The following STAC2 variants were observed in gnomAD, a reference collection of about 807,000 sequenced individuals.
STAC2 encodes the protein SH3 and cysteine rich domain 2, also known as SH3 and cysteine-rich domain-containing protein 2.
STAC2 carries 36 observed loss-of-function variants against 49.0 expected under a neutral mutation model. The observed-to-expected ratio is 0.74, with a 90% CI of 0.56 to 0.97. The LOEUF (loss-of-function observed/expected upper bound fraction) is 0.97, where lower values mean the gene tolerates loss of function less well. STAC2 is among the 50% of genes least tolerant of loss of function. The pLI is 0.00. For synonymous variants in STAC2, 239 were observed against 214.7 expected (o/e 1.11, Z -0.99); for missense variants, 527 against 543.8 (o/e 0.97, Z 0.31).
chr17:39,221,043 G>A (rs2046457860), intron 1 of STAC2, among the ~76,000 whole-genome samples: 3 of 150,228 alleles, frequency 2.0e-5, no homozygotes, highest in East Asian at 2.0e-4. Context: ...TGATCCGCCT[G>A]TTTCGGCCTC....
intron 1 of STAC2, among the ~76,000 whole-genome samples, chr17:39,222,248 G>A (rs1297965949): frequency 6.6e-6 from 1 of 152,090 alleles, no homozygotes; most frequent in Non-Finnish European, 1.5e-5. Flanking sequence ...TCCTTTCCTG[G>A]TACCCCTTGG....
chr17:39,219,096 T>C (rs1044064167), intron 1 of STAC2, among the ~76,000 whole-genome samples: 13 of 152,088 alleles, frequency 8.5e-5, no homozygotes, highest in African/African-American at 3.1e-4. Flanking sequence ...ATACAGCTGT[T>C]GCGGGGGTGA....
At chr17:39,214,749 T>G (rs1185935780) in intron 7 of STAC2, 42 bp downstream of exon 7, 1 of 1,607,526 alleles carries the variant, frequency 6.2e-7, no homozygotes. Flanking sequence ...TTACACCCGC[T>G]TCCCACCCTG....
rs1254949552 is a variant in STAC2 at position 39,225,720 on chromosome 17, GA to G, written c.-219del. On this transcript the variant is annotated 5_prime_UTR_variant, in exon 1 of 11. An upstream open reading frame in the 5' UTR gains an earlier in-frame stop. Transcript: ENST00000333461. The surrounding 1 kb of genome is among the most constrained non-coding windows in gnomAD (Gnocchi z 8.2). ...CCACCACGCTGAGCCGCAGGAGCGG[GA>G]CGACCCCGGGCGCGAGGACCGAGGG... 1.7e-6 allele frequency: 1 copy of G among 582,582 alleles called. No individual in the cohort carries two copies. The highest frequency in any genetic ancestry group is 2.0e-5 in the African/African-American group (1 of 50,672). The allele number at this position is 582,582 out of a possible 1,614,324, so 36.1% of individuals were successfully genotyped here. A position where few individuals can be genotyped will look rare whatever the true frequency, so the allele number is the denominator to read the frequency against.
chr17:39,216,329 G>A (rs1021199983), intron 4 of STAC2, among the ~76,000 whole-genome samples: 3 of 152,122 alleles, frequency 2.0e-5, no homozygotes, highest in Admixed American at 6.5e-5. Context: ...CACTTAAGGC[G>A]CTCATGCTGA....
At position 39,217,982 on chromosome 17, in the gene STAC2, G is replaced by A. The variant is rs999078579; in HGVS notation, c.282C>T (p.Ser94=). 2 of 1,587,862 alleles carry A rather than the reference G, an allele frequency of 1.3e-6. No homozygotes were observed. Among genetic ancestry groups the A allele is most frequent in the Non-Finnish European group, 1.7e-6 (2 of 1,167,960 alleles). Residue 94 remains serine, a synonymous_variant, in exon 2 of 11, where the codon TCC becomes TCT. Coordinates refer to ENST00000333461, the MANE Select transcript of STAC2 (RefSeq NM_198993.5). ...CCAGGGGGCGTGGGACTGGGCATGG[G>A]GAGGGGGATGGGGTAGCCAGGCCCC... is the stretch of plus-strand genomic sequence containing the variant. ...SDRGLATPSP[S]PCPVPRPLAA... is the part of the protein sequence containing the mutation.
At chr17:39,213,668 G>GTTT in intron 8 of STAC2, 110 bp from the exon 9 acceptor site, 3 of 639,838 alleles carry the variant, frequency 4.7e-6, no homozygotes, top group Non-Finnish European at 7.6e-6. Flanking sequence ...TGGGAGAGAC[G>GTTT]ATTCTTTTTT....
At chr17:39,222,277 C>A (rs932164673) in intron 1 of STAC2, among the ~76,000 whole-genome samples, 4 of 152,212 alleles carry the variant, frequency 2.6e-5, no homozygotes, top group African/African-American at 9.6e-5. Context: ...CCAAGAGCCA[C>A]CTCTGCTAGG....
At chr17:39,214,381 C>A (rs1453052476) in intron 7 of STAC2, 51 bp from the exon 8 acceptor site, 1 of 1,610,562 alleles carries the variant, frequency 6.2e-7, no homozygotes, top group Non-Finnish European at 8.5e-7. Flanking sequence ...CCTCACTCCC[C>A]CCACTCTCCA....
chr17:39,215,457 G>A (rs2046393933), intron 4 of STAC2, among the ~76,000 whole-genome samples: 1 of 152,120 alleles, frequency 6.6e-6, no homozygotes, highest in Admixed American at 6.6e-5. Context: ...CTGCCACCTA[G>A]TCCTCCCTCC....
intron 10 of STAC2, 60 bp from the exon 11 acceptor site, chr17:39,212,456 C>T: frequency 2.2e-5 from 30 of 1,381,588 alleles, no homozygotes; most frequent in Non-Finnish European, 3.0e-5. Flanking sequence ...GCCCTGAGTC[C>T]TGCCCATGGC....
intron 1 of STAC2, among the ~76,000 whole-genome samples, chr17:39,219,272 A>G (rs549701863): frequency 1.3e-5 from 2 of 152,158 alleles, no homozygotes; most frequent in East Asian, 1.9e-4. Context: ...AGAATCCTCA[A>G]TTCTCAAACT....
chr17:39,214,718 T>C (rs1320452547), intron 7 of STAC2, 73 bp downstream of exon 7: 2 of 1,543,092 alleles, frequency 1.3e-6, no homozygotes, highest in African/African-American at 1.4e-5. Flanking sequence ...TGCCCCCCTA[T>C]GAATCAATGG....
In STAC2 at chr17:39,214,223, G is replaced by A. The variant is rs2046380017; in HGVS notation, c.941+10C>T. On this transcript the variant is annotated intron_variant, in intron 8 of 10. Coordinates refer to ENST00000333461, the MANE Select transcript of STAC2 (RefSeq NM_198993.5). The stretch of plus-strand genomic sequence containing the variant: ...CTGCCCAGCGGGGCCAGGTCACAAA[G>A]AGGACTTACTGCAGAGCCAGATCAT... The A allele has an allele frequency of 3.7e-6, 6 of 1,613,740 alleles. No individual in the cohort carries two copies. The highest frequency in any genetic ancestry group is 1.1e-5 in the South Asian group (1 of 91,076).
chr17:39,220,310 A>G (rs2046448858), intron 1 of STAC2, among the ~76,000 whole-genome samples: 2 of 152,292 alleles, frequency 1.3e-5, no homozygotes. Flanking sequence ...CCCAAGAGGC[A>G]GGTGAACCGT....
chr17:39,217,637 C>T (rs2046417436), intron 2 of STAC2, among the ~76,000 whole-genome samples: 1 of 152,062 alleles, frequency 6.6e-6, no homozygotes, highest in African/African-American at 2.4e-5. Flanking sequence ...GCAGGAGGAT[C>T]CCTTGAGCCA....
intron 1 of STAC2, among the ~76,000 whole-genome samples, chr17:39,224,208 G>C (rs775512454): frequency 2.6e-5 from 4 of 152,238 alleles, no homozygotes; most frequent in Non-Finnish European, 5.9e-5. Context: ...ACAGTGGAAA[G>C]AAGCCTAGCG....
In STAC2 at chr17:39,210,630, G is replaced by C. The variant is rs1444954612; in HGVS notation, c.*1662C>G. On this transcript the variant is annotated 3_prime_UTR_variant, in exon 11 of 11. Coordinates refer to ENST00000333461, the MANE Select transcript of STAC2 (RefSeq NM_198993.5). Reference sequence around the variant, plus strand: ...CTCATGTACAGTGGGCATTGGGCCCGCCCCTGGGATATTGCTGGGGGGGGG... The same window carrying C: ...CTCATGTACAGTGGGCATTGGGCCCCCCCCTGGGATATTGCTGGGGGGGGG... 3.4e-5 allele frequency: 5 copies of C among 148,292 alleles called. No individual in the cohort carries two copies. Among genetic ancestry groups the C allele is most frequent in the South Asian group, 2.3e-4 (1 of 4,374 alleles). 9.2% of individuals were successfully genotyped at this position (148,292 alleles called of 1,614,324 possible).
At chr17:39,217,839 G>T in intron 2 of STAC2, 28 bp downstream of exon 2, 1 of 1,578,842 alleles carries the variant, frequency 6.3e-7, no homozygotes. Flanking sequence ...GCCCCTCCCC[G>T]TGGCCGCCTC....
Sources: allele counts gnomAD v4.1 joint callset (sites outside exome capture counted in the v4.1 genomes callset), GRCh38; gene constraint gnomAD v4.1.1; non-coding constraint Gnocchi (gnomAD v3.1); transcripts MANE v1.5; gene names NCBI Gene and HGNC (gene_info 2026-07-23, HGNC 2026-07-21).